C8orf34: variants seen among roughly 807,000 people sequenced by gnomAD.
C8orf34 encodes uncharacterized protein C8orf34.
In C8orf34, 65 loss-of-function variants were observed where a neutral mutation model predicts 68.3. The observed-to-expected ratio is 0.95, with a 90% CI of 0.78 to 1.17. C8orf34 has a LOEUF of 1.17. Ranked by LOEUF, C8orf34 falls within the 50% of genes most tolerant of loss-of-function variation. The probability of loss-of-function intolerance (pLI) is 0.00; values close to 1 mark genes in which losing one functional copy is unlikely to be tolerated. For synonymous variants in C8orf34, 244 were observed against 241.2 expected, an observed-to-expected ratio of 1.01 and a Z score of -0.11; for missense variants, 664 against 655.4, an observed-to-expected ratio of 1.01 and a Z score of -0.14.
At chr8:68,799,901 G>A (rs1824280194) in intron 12 of C8orf34, among the ~76,000 whole-genome samples, 1 of 152,152 alleles carries the variant, frequency 6.6e-6, no homozygotes, top group Admixed American at 6.5e-5. Context: ...TATTTTGAAG[G>A]GCAGGGATGG....
Position 68,443,290 on chromosome 8 carries a change from A to G in C8orf34, c.476-3039A>G, listed in dbSNP as rs552314426. Among the ~76,000 whole-genome samples the G allele has an allele frequency of 2.0e-5, 3 of 152,304 alleles. No individual in the cohort carries two copies. In the East Asian group the frequency reaches 5.8e-4, roughly 29 times the overall value. The stretch of plus-strand genomic sequence containing the variant: ...AGGAAGGAAGAGAAAAGCATAGATG[A>G]ATTTTTGGATACTAATGAAACTGAA... On this transcript the variant is annotated intron_variant, in intron 2 of 13. Coordinates refer to ENST00000518698, the MANE Select transcript of C8orf34 (RefSeq NM_052958.4).
At chr8:68,360,491 T>C (rs1806937024) in intron 1 of C8orf34, among the ~76,000 whole-genome samples, 1 of 152,218 alleles carries the variant, frequency 6.6e-6, no homozygotes, top group African/African-American at 2.4e-5. Context: ...CTTTCATGGT[T>C]GCATTTTATC....
chr8:68,615,637 A>T lies in C8orf34; in HGVS notation c.1106-24739A>T, dbSNP rs554180968. On this transcript the variant is annotated intron_variant, in intron 7 of 13. Coordinates refer to ENST00000518698, the MANE Select transcript of C8orf34 (RefSeq NM_052958.4). ...AACCAGTCTTGCATCCCAGGGATGA[A>T]GCCCACTTGATCATGGTGGATAAGC... 8.5e-5 allele frequency among the ~76,000 whole-genome samples: 13 copies of T among 152,328 alleles called. No individual in the cohort carries two copies. The South Asian group carries it at 2.7e-3, about 32-fold the overall frequency.
At chr8:68,465,436 C>T (rs1316639320) in intron 3 of C8orf34, among the ~76,000 whole-genome samples, 1 of 150,952 alleles carries the variant, frequency 6.6e-6, no homozygotes, top group African/African-American at 2.4e-5. Flanking sequence ...TTTGACCCAG[C>T]CATCCCATTA....
intron 10 of C8orf34, among the ~76,000 whole-genome samples, chr8:68,769,149 T>C (rs1439445027): frequency 6.6e-6 from 1 of 152,014 alleles, no homozygotes; most frequent in East Asian, 1.9e-4. Flanking sequence ...AGGAAAGTTT[T>C]CTTGAATTAG....
intron 7 of C8orf34, among the ~76,000 whole-genome samples, chr8:68,619,887 G>A (rs1818337935): frequency 6.8e-6 from 1 of 147,026 alleles, no homozygotes; most frequent in Admixed American, 6.8e-5. Flanking sequence ...AGGAAAAAAG[G>A]TAAAAAGACA....
At chr8:68,491,316 C>T (rs1362712696) in intron 5 of C8orf34, among the ~76,000 whole-genome samples, 2 of 151,716 alleles carry the variant, frequency 1.3e-5, no homozygotes, top group Admixed American at 1.3e-4. Flanking sequence ...TCGATGACTA[C>T]TGTATTGGCT....
rs551512508 is a variant in C8orf34, at chr8:68,658,869, A to C, written c.1241+18358A>C. Among the ~76,000 whole-genome samples the C allele has an allele frequency of 9.2e-5, 14 of 152,244 alleles. No homozygotes were observed. In the South Asian group the frequency reaches 2.9e-3, roughly 32 times the overall value. ...AAAACATTGTTTTCTCTTTCCTTAA[A>C]GTTTTAAAATATATTGCTTTAAAGT... On this transcript the variant is annotated intron_variant, in intron 8 of 13. Transcript: ENST00000518698.
chr8:68,485,467 A>G (rs566743265), intron 4 of C8orf34, among the ~76,000 whole-genome samples: 2 of 152,202 alleles, frequency 1.3e-5, no homozygotes, highest in East Asian at 1.9e-4. Context: ...TAATCCCAGC[A>G]CTTTGGGAGG....
At chr8:68,492,317 T>A (rs1372404566) in intron 5 of C8orf34, among the ~76,000 whole-genome samples, 1 of 152,018 alleles carries the variant, frequency 6.6e-6, no homozygotes, top group Non-Finnish European at 1.5e-5. Context: ...GCAATCTCGA[T>A]CTCCTGGGCT....
chr8:68,519,653 C>T lies in C8orf34; in HGVS notation c.766-2146C>T, dbSNP rs535165643. 7.1e-4 allele frequency among the ~76,000 whole-genome samples: 108 copies of T among 151,702 alleles called. 1 individual carries two copies. The highest frequency in any genetic ancestry group is 2.4e-3 in the African/African-American group (101 of 41,344). ...GTTTATGATTATTGATTTTCATGGT[C>T]TTTTATGAAAATATTAGTCCTGAGG... On this transcript the variant is annotated intron_variant, in intron 5 of 13. Coordinates refer to ENST00000518698, the MANE Select transcript of C8orf34 (RefSeq NM_052958.4).
At chr8:68,667,381 G>A (rs1819873256) in intron 8 of C8orf34, among the ~76,000 whole-genome samples, 1 of 152,146 alleles carries the variant, frequency 6.6e-6, no homozygotes, top group Admixed American at 6.6e-5. Context: ...TTTAGGAAGT[G>A]ACACGTTAAA....
chr8:68,591,742 C>T (rs1386540298), intron 7 of C8orf34, among the ~76,000 whole-genome samples: 3 of 152,194 alleles, frequency 2.0e-5, no homozygotes, highest in Non-Finnish European at 2.9e-5. Flanking sequence ...CATGTATGTG[C>T]TTGTGATATT....
intron 5 of C8orf34, among the ~76,000 whole-genome samples, chr8:68,516,620 C>CTATTTATTTATT (rs200892538): frequency 0.039 from 5,804 of 150,110 alleles, 358 homozygotes; most frequent in African/African-American, 0.12. Flanking sequence ...ACTGGGAATG[C>CTATTTATTTATT]TATTTATTTA....
intron 7 of C8orf34, among the ~76,000 whole-genome samples, chr8:68,593,440 C>G (rs969142114): frequency 3.3e-5 from 5 of 151,900 alleles, no homozygotes; most frequent in Non-Finnish European, 7.4e-5. Context: ...TCAAAATATG[C>G]CGGGTCCATC....
At chr8:68,376,149 A>G (rs754143805) in intron 1 of C8orf34, among the ~76,000 whole-genome samples, 5 of 146,390 alleles carry the variant, frequency 3.4e-5, no homozygotes, top group Admixed American at 6.8e-5. Flanking sequence ...TGAGTGAAGG[A>G]AGGAATAATC....
At chr8:68,711,793 C>A (rs1021652886) in intron 9 of C8orf34, among the ~76,000 whole-genome samples, 3 of 152,064 alleles carry the variant, frequency 2.0e-5, no homozygotes, top group African/African-American at 7.2e-5. Context: ...CTTCCCTGGC[C>A]TTGCTAGAGA....
rs1205901018 is a variant in C8orf34, at chr8:68,439,557, A to C, written c.386A>C (p.Asp129Ala). The change falls in exon 2 of 14, where the codon GAC (aspartate) becomes GCC (alanine). Residue 129 changes from aspartate (D) to alanine (A), a missense_variant. Asp to Ala is a moderately radical substitution (Grantham distance 126). Coordinates refer to ENST00000518698, the MANE Select transcript of C8orf34 (RefSeq NM_052958.4). ...GACCAGCCAATCCCATTTCTCATTG[A>C]CCATCTTCAGTCTAAACAAGGGAAC... ...TPDQPIPFLIDHLQSKQGNRG... is the reference protein window; with the variant it reads ...TPDQPIPFLIAHLQSKQGNRG... 1.9e-6 allele frequency: 3 copies of C among 1,613,656 alleles called. No homozygotes were observed. Among genetic ancestry groups the C allele is most frequent in the Non-Finnish European group, 8.5e-7 (1 of 1,179,788 alleles).
In C8orf34 at chr8:68,711,070, A is replaced by G. The variant is rs186747239; in HGVS notation, c.1327+1991A>G. 6.6e-5 allele frequency among the ~76,000 whole-genome samples: 10 copies of G among 152,070 alleles called. No individual in the cohort carries two copies. In the East Asian group the frequency reaches 1.9e-3, roughly 30 times the overall value. On this transcript the variant is annotated intron_variant, in intron 9 of 13. Transcript: ENST00000518698. ...TGGCTAGAACCAGAAGAGCAAAAAC[A>G]CTCACTACAGTTCAGCTCTCAGGAA... is the stretch of plus-strand genomic sequence containing the variant.
Sources: allele counts gnomAD v4.1 joint callset (sites outside exome capture counted in the v4.1 genomes callset), GRCh38; gene constraint gnomAD v4.1.1; transcripts MANE v1.5; gene names NCBI Gene and HGNC (gene_info 2026-07-23, HGNC 2026-07-21).